CADM2: variants seen among roughly 807,000 people sequenced by gnomAD.
The protein encoded by CADM2 is cell adhesion molecule 2.
A neutral mutation model predicts 49.8 loss-of-function variants in CADM2; 12 were observed. The ratio of observed to expected loss-of-function variants is 0.24; its 90% CI spans 0.15 to 0.39. CADM2 has a LOEUF of 0.39. CADM2 is among the 10% of genes least tolerant of loss of function. CADM2 has a pLI of 1.00. For missense variants in CADM2, 378 were observed against 492.3 expected, an observed-to-expected ratio of 0.77 and a Z score of 2.20; for synonymous variants, 214 against 175.4, an observed-to-expected ratio of 1.22 and a Z score of -1.74.
At chr3:85,487,639 AGAGGAG>A (rs112613086) in intron 1 of CADM2, among the ~76,000 whole-genome samples, 8 of 148,564 alleles carry the variant, frequency 5.4e-5, no homozygotes, top group Admixed American at 1.3e-4. Context: ...AGGAGGACGA[AGAGGAG>A]GAGGAGGAGG....
At chr3:85,314,281 A>G (rs1237886255) in intron 1 of CADM2, among the ~76,000 whole-genome samples, 1 of 152,184 alleles carries the variant, frequency 6.6e-6, no homozygotes, top group Non-Finnish European at 1.5e-5. Flanking sequence ...ATGTATTTTT[A>G]TTAATGTACA....
intron 1 of CADM2, among the ~76,000 whole-genome samples, chr3:85,314,882 C>A (rs926672760): frequency 3.3e-5 from 5 of 152,092 alleles, no homozygotes; most frequent in Non-Finnish European, 7.4e-5. Context: ...TAAAATATTT[C>A]CACTTTCCAT....
chr3:85,989,972 A>ACTGC (rs1728562550), intron 8 of CADM2, among the ~76,000 whole-genome samples: 1 of 124,950 alleles, frequency 8.0e-6, no homozygotes, highest in Non-Finnish European at 1.6e-5. Context: ...AGATCGCACC[A>ACTGC]CTGCCCTCCA....
At chr3:85,496,005 C>T (rs527438221) in intron 1 of CADM2, among the ~76,000 whole-genome samples, 1 of 152,214 alleles carries the variant, frequency 6.6e-6, no homozygotes, top group African/African-American at 2.4e-5. Flanking sequence ...AAAATGATTC[C>T]TATGAATAAT....
At chr3:85,850,308 G>A (rs2075048019) in intron 3 of CADM2, among the ~76,000 whole-genome samples, 1 of 140,008 alleles carries the variant, frequency 7.1e-6, no homozygotes, top group Non-Finnish European at 1.5e-5. Flanking sequence ...CTGGTCTGTT[G>A]CAATTCTTTT....
At chr3:85,988,696 G>A (rs377322765) in intron 8 of CADM2, among the ~76,000 whole-genome samples, 2 of 152,114 alleles carry the variant, frequency 1.3e-5, no homozygotes, top group Admixed American at 1.3e-4. Context: ...CACCAATATT[G>A]TTTAAAGAAT....
intron 1 of CADM2, among the ~76,000 whole-genome samples, chr3:85,343,624 A>G (rs2107203873): frequency 6.6e-6 from 1 of 152,296 alleles, no homozygotes; most frequent in Non-Finnish European, 1.5e-5. Flanking sequence ...CATGCTAGGA[A>G]TTGTAGACTA....
At chr3:85,239,912 A>T (rs2042491768) in intron 1 of CADM2, among the ~76,000 whole-genome samples, 1 of 151,490 alleles carries the variant, frequency 6.6e-6, no homozygotes, top group Non-Finnish European at 1.5e-5. Context: ...TTAAAAATTT[A>T]AGTATTAATT....
At position 85,749,048 on chromosome 3, in the gene CADM2, A is replaced by G. The variant is rs552815284; in HGVS notation, c.88+22500A>G. Reference sequence around the variant, plus strand: ...GCTTATGATTCATATCTAATGCAGAATAACAAGAGAAATTCATGGGAAAAA... The same window carrying G: ...GCTTATGATTCATATCTAATGCAGAGTAACAAGAGAAATTCATGGGAAAAA... On this transcript the variant is annotated intron_variant, in intron 2 of 9. Coordinates refer to ENST00000383699, the MANE Select transcript of CADM2 (RefSeq NM_001167675.2). Among the ~76,000 whole-genome samples, 3 of 152,030 alleles carry G rather than the reference A, an allele frequency of 2.0e-5. No homozygotes were observed. In the South Asian group the frequency reaches 6.2e-4, roughly 31 times the overall value.
intron 1 of CADM2, among the ~76,000 whole-genome samples, chr3:85,563,916 G>A (rs2062176285): frequency 6.6e-6 from 1 of 152,062 alleles, no homozygotes; most frequent in Admixed American, 6.6e-5. Flanking sequence ...ATAGATCATA[G>A]CTATTTTATA....
chr3:85,945,865 G>A (rs1326297588), intron 7 of CADM2, among the ~76,000 whole-genome samples: 3 of 152,006 alleles, frequency 2.0e-5, no homozygotes, highest in African/African-American at 7.2e-5. Context: ...TTGAAAACTG[G>A]CACAAGACAG....
chr3:85,318,698 A>G (rs1350501242), intron 1 of CADM2, among the ~76,000 whole-genome samples: 1 of 152,190 alleles, frequency 6.6e-6, no homozygotes, highest in Admixed American at 6.5e-5. Flanking sequence ...CACTTGCTTT[A>G]TTAGAATTTT....
At chr3:86,013,949 A>G in intron 8 of CADM2, 3 of 1,569,674 alleles carry the variant, frequency 1.9e-6, no homozygotes, top group Non-Finnish European at 2.6e-6. Flanking sequence ...GGTTGGCAAA[A>G]TCAGTACCTG....
At chr3:85,228,872 C>T (rs779314237) in intron 1 of CADM2, among the ~76,000 whole-genome samples, 2 of 152,178 alleles carry the variant, frequency 1.3e-5, no homozygotes, top group Non-Finnish European at 2.9e-5. Context: ...CCACTGCTCT[C>T]TTCAGAGCTG....
intron 3 of CADM2, among the ~76,000 whole-genome samples, chr3:85,868,468 A>C (rs1395875508): frequency 6.6e-6 from 1 of 152,114 alleles, no homozygotes; most frequent in Non-Finnish European, 1.5e-5. Context: ...ACAGCCTGTT[A>C]TCTTGATTGC....
intron 8 of CADM2, among the ~76,000 whole-genome samples, chr3:86,044,415 C>T (rs1239384400): frequency 6.6e-6 from 1 of 152,202 alleles, no homozygotes; most frequent in Non-Finnish European, 1.5e-5. Flanking sequence ...TGAACAGACA[C>T]TTCTCAAAAG....
chr3:85,518,121 C>A (rs780346052), intron 1 of CADM2, among the ~76,000 whole-genome samples: 8 of 152,060 alleles, frequency 5.3e-5, no homozygotes, highest in Non-Finnish European at 1.2e-4. Context: ...ATTCTCCTGC[C>A]TGGAGACTAC....
intron 1 of CADM2, among the ~76,000 whole-genome samples, chr3:85,531,856 A>G (rs1335528501): frequency 6.6e-6 from 1 of 152,198 alleles, no homozygotes; most frequent in Admixed American, 6.5e-5. Context: ...TGTTTTTTAA[A>G]TGGTACATGG....
intron 1 of CADM2, among the ~76,000 whole-genome samples, chr3:84,983,716 A>C (rs2032353301): frequency 6.6e-6 from 1 of 152,104 alleles, no homozygotes; most frequent in Admixed American, 6.6e-5. Flanking sequence ...AATCCATATT[A>C]TTTTCCCTTT....
Sources: allele counts gnomAD v4.1 joint callset (sites outside exome capture counted in the v4.1 genomes callset), GRCh38; gene constraint gnomAD v4.1.1; transcripts MANE v1.5; gene names NCBI Gene and HGNC (gene_info 2026-07-23, HGNC 2026-07-21).